The following CATSPER2 variants were observed in gnomAD, a reference collection of about 807,000 sequenced individuals.
The protein encoded by CATSPER2 is cation channel sperm associated 2.
In CATSPER2, 56 loss-of-function variants were observed where a neutral mutation model predicts 68.8. The observed-to-expected ratio is 0.81, with a 90% CI of 0.66 to 1.02. The LOEUF is 1.02. CATSPER2 is among the 50% of genes least tolerant of loss of function. The pLI is 0.00. For synonymous variants in CATSPER2, 198 were observed against 229.9 expected (o/e 0.86, Z 1.26); for missense variants, 582 against 642.0 (o/e 0.91, Z 1.01).
intron 9 of CATSPER2, 77 bp from the exon 10 acceptor site, chr15:43,635,493 C>A: frequency 6.6e-7 from 1 of 1,506,548 alleles, no homozygotes; most frequent in Non-Finnish European, 9.1e-7. Context: ...AAGTTCATAT[C>A]AGAAAGTGAA....
chr15:43,639,087 G>T, intron 6 of CATSPER2, 59 bp from the exon 7 acceptor site: 1 of 1,597,410 alleles, frequency 6.3e-7, no homozygotes, highest in Non-Finnish European at 8.5e-7. Flanking sequence ...TCCACCAACA[G>T]CCCAGTCAAG....
intron 4 of CATSPER2, among the ~76,000 whole-genome samples, chr15:43,646,077 G>A (rs2086157921): frequency 1.3e-5 from 2 of 151,850 alleles, no homozygotes; most frequent in Non-Finnish European, 2.9e-5. Flanking sequence ...TTGTAAAAAT[G>A]TAAATGTTAG....
At position 43,647,940 on chromosome 15, in the gene CATSPER2, C is replaced by A; in HGVS notation, c.122G>T (p.Arg41Leu). The change falls in exon 2 of 13, where the codon CGG becomes CTG. Residue 41 changes from arginine to leucine, a missense_variant. Physicochemically the swap from Arg to Leu is moderately radical, Grantham distance 102. Transcript: ENST00000396879. ...HLQGLSQAVP[R>L]HTIRELLDPS... ...ACCAAGTAACTCCCTGATAGTGTGCCGCGGCACAGCTTGGCTCAAGCCTTG... is the reference window on the plus strand; with the variant it reads ...ACCAAGTAACTCCCTGATAGTGTGCAGCGGCACAGCTTGGCTCAAGCCTTG... 6.2e-6 allele frequency: 10 copies of A among 1,613,568 alleles called. No individual in the cohort carries two copies. Among genetic ancestry groups the A allele is most frequent in the Non-Finnish European group, 8.5e-6 (10 of 1,179,776 alleles).
chr15:43,642,271 T>A (rs1418878452), intron 4 of CATSPER2: 1 of 151,908 alleles, frequency 6.6e-6, no homozygotes, highest in East Asian at 1.9e-4. Context: ...AGCTAATTTT[T>A]GTATTTTTGG....
At position 43,632,871 on chromosome 15, in the gene CATSPER2, A is replaced by G. The variant is rs2085899985; in HGVS notation, c.1242T>C (p.Ser414=). 2.5e-6 allele frequency: 4 copies of G among 1,611,890 alleles called. No homozygotes were observed. Among genetic ancestry groups the G allele is most frequent in the Non-Finnish European group, 3.4e-6 (4 of 1,178,290 alleles). Residue 414 remains serine, a synonymous_variant, in exon 11 of 13, where the codon TCT becomes TCC. Coordinates refer to ENST00000396879, the MANE Select transcript of CATSPER2 (RefSeq NM_172095.4). The stretch of plus-strand genomic sequence containing the variant: ...AATCCTCTTCAGTGGCACCATAATT[A>G]GACTCTACTTCAGACACTTCTGATA... ...LDLSEVSEVE[S]NYGATEEDLI... is the part of the protein sequence containing the mutation.
chr15:43,638,687 C>A (rs1004940038), intron 7 of CATSPER2, among the ~76,000 whole-genome samples: 1 of 151,868 alleles, frequency 6.6e-6, no homozygotes, highest in Non-Finnish European at 1.5e-5. Context: ...TTTGAATTTG[C>A]AAAACCCAGA....
Position 43,631,747 on chromosome 15 carries a change from G to A in CATSPER2, c.1561+452C>T, listed in dbSNP as rs183180912. ...TTTAGGCAGTTAGGACAGTGAGCAC[G>A]TGTGGGCATACTGCTCATTGTCTGA... On this transcript the variant is annotated intron_variant, in intron 12 of 12. Coordinates refer to ENST00000396879, the MANE Select transcript of CATSPER2 (RefSeq NM_172095.4). 5.3e-4 allele frequency among the ~76,000 whole-genome samples: 80 copies of A among 152,054 alleles called. 1 individual carries two copies. The highest frequency in any genetic ancestry group is 1.8e-3 in the African/African-American group (75 of 41,472).
rs2085855515 is a variant in CATSPER2, at chr15:43,630,628, T to C, written c.*73A>G. The C allele has an allele frequency of 6.2e-7, 1 of 1,608,620 alleles. No individual in the cohort carries two copies. Among genetic ancestry groups the C allele is most frequent in the Non-Finnish European group, 8.5e-7 (1 of 1,177,700 alleles). On this transcript the variant is annotated 3_prime_UTR_variant, in exon 13 of 13. Coordinates refer to ENST00000396879, the MANE Select transcript of CATSPER2 (RefSeq NM_172095.4). ...TTGTTCTATCTGAATGTTTATATTT[T>C]CAATTCTCTATTTCCAACAATTCCC...
rs960687498 is a variant in CATSPER2, at chr15:43,631,255, G to A, written c.1562-523C>T. Among the ~76,000 whole-genome samples, 11 of 151,950 alleles carry A rather than the reference G, an allele frequency of 7.2e-5. 1 individual carries two copies. Among genetic ancestry groups the A allele is most frequent in the Non-Finnish European group, 1.5e-4 (10 of 67,986 alleles). On this transcript the variant is annotated intron_variant, in intron 12 of 12. Coordinates refer to ENST00000396879, the MANE Select transcript of CATSPER2 (RefSeq NM_172095.4). Reference sequence around the variant, plus strand: ...TTCTGTTTTTGGTTTGTCTTGAGACGGAGCCTCATTCTTTTGCCAGGCTGG... The same window carrying A: ...TTCTGTTTTTGGTTTGTCTTGAGACAGAGCCTCATTCTTTTGCCAGGCTGG...
chr15:43,635,688 T>A, intron 9 of CATSPER2, 39 bp downstream of exon 9: 1 of 1,573,072 alleles, frequency 6.4e-7, no homozygotes, highest in Non-Finnish European at 8.7e-7. Flanking sequence ...CAGGAAACCC[T>A]TGAGAAGGAA....
At position 43,632,744 on chromosome 15, in the gene CATSPER2, A is replaced by G. The variant is rs1567125414; in HGVS notation, c.1369T>C (p.Ser457Pro). Residue 457 changes from serine (S) to proline (P), a missense_variant, in exon 11 of 13, where the codon TCT becomes CCT. Ser to Pro is a moderately conservative substitution (Grantham distance 74). Coordinates refer to ENST00000396879, the MANE Select transcript of CATSPER2 (RefSeq NM_172095.4). ...SSTSSSYSSSSESRFSESIGR... is the reference protein window; with the variant it reads ...SSTSSSYSSSPESRFSESIGR... ...ATAGATTCAGAAAATCTGGATTCAG[A>G]AGAGGAAGAATAGGAAGAGGATGTG... 1 of 1,613,604 alleles carries G rather than the reference A, an allele frequency of 6.2e-7. No homozygotes were observed. The highest frequency in any genetic ancestry group is 1.7e-5 in the Admixed American group (1 of 59,976).
intron 1 of CATSPER2, 98 bp downstream of exon 1, chr15:43,648,531 T>C: frequency 4.2e-6 from 5 of 1,204,780 alleles, no homozygotes; most frequent in Non-Finnish European, 5.4e-6. Flanking sequence ...TGCCAAAGCC[T>C]GACATTTTGA....
At chr15:43,647,167 G>A in intron 3 of CATSPER2, 49 bp from the exon 4 acceptor site, 2 of 1,576,290 alleles carry the variant, frequency 1.3e-6, no homozygotes, top group African/African-American at 1.3e-5. Flanking sequence ...TCTGATTTAT[G>A]CAGCTGAAAT....
chr15:43,648,665 T>G lies in CATSPER2; in HGVS notation c.-39A>C. On this transcript the variant is annotated 5_prime_UTR_variant, in exon 1 of 13. Transcript: ENST00000396879. ...TTCTCTTTGCCCACTCAGTCCTTAT[T>G]TCACGCTTCCGCCTCCAGCTCAGGT... 13 of 1,420,050 alleles carry G rather than the reference T, an allele frequency of 9.2e-6. No individual in the cohort carries two copies. The highest frequency in any genetic ancestry group is 1.2e-5 in the Non-Finnish European group (13 of 1,090,738). 88.0% of individuals were successfully genotyped at this position (1,420,050 alleles called of 1,614,324 possible).
rs1172073329 is a variant in CATSPER2, at chr15:43,647,132, A to C, written c.320-14T>G. On this transcript the variant is annotated splice_polypyrimidine_tract_variant and intron_variant, in intron 3 of 12. Coordinates refer to ENST00000396879, the MANE Select transcript of CATSPER2 (RefSeq NM_172095.4). ...TGAAGAGAGGACCTGTTGTCTCTTA[A>C]GGAAATGTACAGAGTGGAGTTCTTT... 6 of 1,607,422 alleles carry C rather than the reference A, an allele frequency of 3.7e-6. No homozygotes were observed. The East Asian group carries it at 1.3e-4, about 36-fold the overall frequency.
Position 43,630,371 on chromosome 15 carries a change from C to CT in CATSPER2, c.*329dup, listed in dbSNP as rs1005545155. On this transcript the variant is annotated 3_prime_UTR_variant, in exon 13 of 13. Coordinates refer to ENST00000396879, the MANE Select transcript of CATSPER2 (RefSeq NM_172095.4). ...AGCTATCAGGAGTATTTATAAGACACTTATACAGAGTCTCACTCTGTTGCC... is the reference window on the plus strand; with the variant it reads ...AGCTATCAGGAGTATTTATAAGACACTTTATACAGAGTCTCACTCTGTTGCC... The CT allele has an allele frequency of 1.7e-4, 65 of 383,240 alleles. No individual in the cohort carries two copies. The highest frequency in any genetic ancestry group is 2.8e-4 in the Non-Finnish European group (57 of 200,668). 23.7% of individuals were successfully genotyped at this position (383,240 alleles called of 1,614,324 possible). A position where few individuals can be genotyped will look rare whatever the true frequency, so the allele number is the denominator to read the frequency against.
chr15:43,644,845 C>T (rs2447212), intron 4 of CATSPER2, among the ~76,000 whole-genome samples: 32,961 of 151,758 alleles, frequency 0.22, 5,826 homozygotes, highest in African/African-American at 0.47. Flanking sequence ...CTATTATTTA[C>T]TTCATTCCAA....
intron 5 of CATSPER2, chr15:43,640,011 G>A: frequency 6.9e-7 from 1 of 1,445,882 alleles, no homozygotes; most frequent in South Asian, 1.5e-5. Context: ...AAAATTCATG[G>A]TTATTTAATT....
At chr15:43,642,677 T>A (rs1289505651) in intron 4 of CATSPER2, 2 of 125,104 alleles carry the variant, frequency 1.6e-5, no homozygotes, top group African/African-American at 6.2e-5. Context: ...TTTGAGTAGT[T>A]TAAAATAGTT....
Sources: gnomAD v4.1 joint callset for allele counts (sites outside exome capture counted in the v4.1 genomes callset) on GRCh38, gnomAD v4.1.1 for gene constraint, MANE v1.5 for transcripts, NCBI Gene and HGNC (gene_info 2026-07-23, HGNC 2026-07-21) for gene names.